The following PRELID2 variants were observed in gnomAD, a reference collection of about 807,000 sequenced individuals.
PRELID2 encodes the protein PRELI domain-containing protein 2.
In PRELID2, 25 loss-of-function variants were observed where a neutral mutation model predicts 28.4. The ratio of observed to expected loss-of-function variants is 0.88; its 90% CI spans 0.64 to 1.23. PRELID2 has a LOEUF of 1.23. Among genes scored for constraint, PRELID2 ranks in the 50% most tolerant of loss-of-function variants. The pLI, the probability that PRELID2 is intolerant of heterozygous loss-of-function variation, is 0.00. For synonymous variants in PRELID2, 76 were observed against 71.6 expected (o/e 1.06, Z -0.31); for missense variants, 201 against 214.4 (o/e 0.94, Z 0.39).
intron 1 of PRELID2, among the ~76,000 whole-genome samples, chr5:145,696,077 C>CTA (rs1169356661): frequency 6.7e-6 from 1 of 148,500 alleles, no homozygotes; most frequent in Non-Finnish European, 1.5e-5. Flanking sequence ...AAATATAACT[C>CTA]TATATATATC....
chr5:145,356,674 A>T, the PRELID2 span, among the ~76,000 whole-genome samples: 1 of 152,042 alleles, frequency 6.6e-6, no homozygotes, highest in African/African-American at 2.4e-5. Flanking sequence ...TGCACATGAG[A>T]TGCATACGCT....
chr5:145,494,997 T>G (rs957082848), intron 1 of PRELID2, among the ~76,000 whole-genome samples: 2 of 152,196 alleles, frequency 1.3e-5, no homozygotes, highest in African/African-American at 2.4e-5. Flanking sequence ...AGATGTGATG[T>G]AAGCTGTTTG....
At chr5:145,615,394 C>T (rs1466422505) in intron 1 of PRELID2, among the ~76,000 whole-genome samples, 1 of 124,082 alleles carries the variant, frequency 8.1e-6, no homozygotes, top group East Asian at 2.3e-4. Context: ...GGCGCAATCT[C>T]GGCTCACTGC....
chr5:145,285,553 A>T, the PRELID2 span, among the ~76,000 whole-genome samples: 1 of 152,186 alleles, frequency 6.6e-6, no homozygotes, highest in Non-Finnish European at 1.5e-5. Flanking sequence ...AGTTTTTGTA[A>T]GTAAAGTGTA....
chr5:145,394,185 C>T, the PRELID2 span, among the ~76,000 whole-genome samples: 13 of 152,138 alleles, frequency 8.5e-5, 1 homozygote, highest in South Asian at 4.2e-4. Context: ...CCAACCTAAA[C>T]GTCCAACAAT....
At chr5:145,386,389 G>T in the PRELID2 span, among the ~76,000 whole-genome samples, 1 of 151,946 alleles carries the variant, frequency 6.6e-6, no homozygotes, top group Non-Finnish European at 1.5e-5. Context: ...ATCATATCAG[G>T]GGCAGTTTCT....
At chr5:145,685,348 T>A (rs1229928689) in intron 1 of PRELID2, among the ~76,000 whole-genome samples, 2 of 152,214 alleles carry the variant, frequency 1.3e-5, no homozygotes, top group Non-Finnish European at 2.9e-5. Flanking sequence ...TTCTCTGATG[T>A]AATACGCCAT....
At chr5:145,455,807 C>T in the PRELID2 span, among the ~76,000 whole-genome samples, 1 of 152,194 alleles carries the variant, frequency 6.6e-6, no homozygotes, top group Admixed American at 6.5e-5. Context: ...TCCCTGACCC[C>T]TTGCACTTCC....
intron 1 of PRELID2, among the ~76,000 whole-genome samples, chr5:145,528,710 CACACACACACACACACAGAG>C (rs1470318391): frequency 1.3e-4 from 16 of 127,928 alleles, no homozygotes; most frequent in African/African-American, 4.9e-4. Flanking sequence ...CACACACACA[CACACACACACACACACAGAG>C]AGAGAGAGAG....
intron 1 of PRELID2, among the ~76,000 whole-genome samples, chr5:145,608,104 G>A (rs1246056777): frequency 1.3e-5 from 2 of 150,950 alleles, no homozygotes; most frequent in Admixed American, 6.6e-5. Context: ...CAATTGCTTG[G>A]TAGATTTTTC....
chr5:145,762,880 T>G (rs1321893530), intron 6 of PRELID2, among the ~76,000 whole-genome samples: 1 of 152,182 alleles, frequency 6.6e-6, no homozygotes, highest in Non-Finnish European at 1.5e-5. Context: ...TGACCTGGCA[T>G]TTCATCTGTC....
Position 145,805,926 on chromosome 5 carries a change from A to C in PRELID2, c.369-9379T>G, listed in dbSNP as rs143696995. On this transcript the variant is annotated intron_variant, in intron 4 of 6. Transcript: ENST00000683046. Reference sequence around the variant, plus strand: ...AGGAACAGTAAAAGTGCAGTATAAAAGATATATACCATGTATATACCGTTT... The same window carrying C: ...AGGAACAGTAAAAGTGCAGTATAAACGATATATACCATGTATATACCGTTT... 7.9e-4 allele frequency among the ~76,000 whole-genome samples: 121 copies of C among 152,324 alleles called. 1 individual carries two copies. The highest frequency in any genetic ancestry group is 3.4e-3 in the Middle Eastern group (1 of 292).
chr5:145,825,568 A>T (rs1234275410), intron 1 of PRELID2, among the ~76,000 whole-genome samples: 1 of 152,246 alleles, frequency 6.6e-6, no homozygotes, highest in South Asian at 2.1e-4. Context: ...TTGTAGAAAG[A>T]TAACTAAACT....
At chr5:145,313,593 T>C in the PRELID2 span, among the ~76,000 whole-genome samples, 2 of 152,166 alleles carry the variant, frequency 1.3e-5, no homozygotes, top group Non-Finnish European at 2.9e-5. Flanking sequence ...CTGTAGGTGG[T>C]GTTGGCAGCA....
intron 1 of PRELID2, among the ~76,000 whole-genome samples, chr5:145,494,241 T>C (rs1329198618): frequency 1.3e-5 from 2 of 152,186 alleles, no homozygotes; most frequent in African/African-American, 2.4e-5. Flanking sequence ...CTAAACTATA[T>C]TCTGTGCTAT....
At chr5:145,485,355 G>C (rs1177137731) in intron 1 of PRELID2, among the ~76,000 whole-genome samples, 2 of 152,206 alleles carry the variant, frequency 1.3e-5, no homozygotes, top group African/African-American at 4.8e-5. Context: ...ACAATTTAAA[G>C]TGAGGTAAGT....
the PRELID2 span, among the ~76,000 whole-genome samples, chr5:145,372,164 C>G: frequency 6.6e-6 from 1 of 152,024 alleles, no homozygotes; most frequent in African/African-American, 2.4e-5. Context: ...TCATTGGTAT[C>G]AAAGAACTTA....
At chr5:145,610,898 A>C (rs1199419172) in intron 1 of PRELID2, among the ~76,000 whole-genome samples, 1 of 151,392 alleles carries the variant, frequency 6.6e-6, no homozygotes, top group Non-Finnish European at 1.5e-5. Flanking sequence ...ATAAGAAACC[A>C]CTCTCATATA....
At chr5:145,378,588 C>T in the PRELID2 span, among the ~76,000 whole-genome samples, 1 of 152,120 alleles carries the variant, frequency 6.6e-6, no homozygotes, top group African/African-American at 2.4e-5. Flanking sequence ...GCCACTAATA[C>T]TTGTAATTGC....
Sources: allele counts gnomAD v4.1 joint callset (sites outside exome capture counted in the v4.1 genomes callset), GRCh38; gene constraint gnomAD v4.1.1; transcripts MANE v1.5; gene names NCBI Gene and HGNC (gene_info 2026-07-23, HGNC 2026-07-21).